MYH6: variants seen among roughly 807,000 people sequenced by gnomAD.
The protein encoded by MYH6 is myosin-6.
In MYH6, 126 loss-of-function variants were observed where a neutral mutation model predicts 223.2. The observed-to-expected ratio is 0.56, with a 90% CI of 0.49 to 0.65. MYH6 has a LOEUF of 0.65. Ranked by LOEUF, MYH6 falls within the 30% of genes least tolerant of loss-of-function variation. MYH6 has a pLI of 0.00. For missense variants in MYH6, 2,040 were observed against 2,536.4 expected (o/e 0.80, Z 4.20); for synonymous variants, 978 against 1,010.2 (o/e 0.97, Z 0.61).
At chr14:23,396,871 C>A in intron 18 of MYH6, 54 bp from the exon 19 acceptor site, 3 of 1,613,064 alleles carry the variant, frequency 1.9e-6, no homozygotes. Flanking sequence ...CTGCTCTGCC[C>A]ACAGAATTCC....
chr14:23,402,916 G>T, intron 10 of MYH6, 116 bp from the exon 11 acceptor site: 1 of 765,718 alleles, frequency 1.3e-6, no homozygotes, highest in Non-Finnish European at 2.2e-6. Flanking sequence ...GGGGTGAATG[G>T]AGGAAGGGAG....
chr14:23,393,203 T>G, intron 23 of MYH6, 139 bp downstream of exon 23: 1 of 1,446,670 alleles, frequency 6.9e-7, no homozygotes, highest in Non-Finnish European at 9.6e-7. Context: ...TTCAGAGACC[T>G]ACTGTAGTGA....
At position 23,388,894 on chromosome 14, in the gene MYH6, G is replaced by C. The variant is rs199672166; in HGVS notation, c.4140C>G (p.Asp1380Glu). The change falls in exon 29 of 39, where the codon GAC (aspartate) becomes GAG (glutamate). Residue 1380 changes from aspartate to glutamate, a missense_variant. Physicochemically the swap from Asp to Glu is conservative, Grantham distance 45. Coordinates refer to ENST00000405093, the MANE Select transcript of MYH6 (RefSeq NM_002471.4). ...CGAGCTCCTCAGTCCGCTGAATGGC[G>C]TCCGTCTCATACTTGGTCCTCCACT... ...VAQWRTKYET[D>E]AIQRTEELEE... 1 of 1,613,766 alleles carries C rather than the reference G, an allele frequency of 6.2e-7. No homozygotes were observed. The highest frequency in any genetic ancestry group is 8.5e-7 in the Non-Finnish European group (1 of 1,180,034).
intron 8 of MYH6, 142 bp downstream of exon 8, chr14:23,404,154 G>T: frequency 1.9e-6 from 2 of 1,071,394 alleles, no homozygotes; most frequent in Non-Finnish European, 2.9e-6. Context: ...TGGCTCCAAA[G>T]CCTATGCTCT....
chr14:23,384,823 A>G (rs1482755173), intron 35 of MYH6, 93 bp downstream of exon 35: 9 of 1,613,132 alleles, frequency 5.6e-6, no homozygotes, highest in Non-Finnish European at 7.6e-6. Flanking sequence ...ACAGAACTGC[A>G]GAGTTGGCTT....
At chr14:23,402,301 T>A (rs1484331925) in intron 12 of MYH6, among the ~76,000 whole-genome samples, 163 bp downstream of exon 12, 1 of 152,052 alleles carries the variant, frequency 6.6e-6, no homozygotes, top group Admixed American at 6.6e-5. Context: ...GTTGGGATTG[T>A]GGTGGACTCT....
rs141375292 is a variant in MYH6 at position 23,386,424 on chromosome 14, T to G, written c.4850A>C (p.Lys1617Thr). Residue 1617 changes from lysine to threonine, a missense_variant, in exon 33 of 39, where the codon AAG becomes ACG. Physicochemically the swap from Lys to Thr is moderately conservative, Grantham distance 78 (BLOSUM62 -1). Around this residue, in one of 4 missense-constraint regions of MYH6, gnomAD observed 1,203 missense variants for 1,400.2 expected, o/e 0.86. Coordinates refer to ENST00000405093, the MANE Select transcript of MYH6 (RefSeq NM_002471.4). ...ATTGAGGTCTCCTTCCATCTTCTTC[T>G]TCACCCTCAGGACCTCGTTGCGGCT... Reference protein sequence around the residue: ...TRSRNEVLRVKKKMEGDLNEM... With the variant: ...TRSRNEVLRVTKKMEGDLNEM... The G allele has an allele frequency of 5.0e-6, 8 of 1,614,084 alleles. No individual in the cohort carries two copies. Among genetic ancestry groups the G allele is most frequent in the Admixed American group, 1.7e-5 (1 of 60,006 alleles).
In MYH6 at chr14:23,383,339, G is replaced by GGGGGGGGGGGGGGCCCCCCCC; in HGVS notation, c.5566-20_5566-19insGGGGGGGGCCCCCCCCCCCCC. On this transcript the variant is annotated intron_variant, in intron 36 of 38. Transcript: ENST00000405093. ...CCTCTGTCTGGGGGTGGGAGGGTGG[G>GGGGGGGGGGGGGGCCCCCCCC]AGAAGCTGGTTTGGAGGGGGAGCAA... 4.6e-5 allele frequency: 5 copies of GGGGGGGGGGGGGGCCCCCCCC among 108,178 alleles called. No homozygotes were observed. Among genetic ancestry groups the GGGGGGGGGGGGGGCCCCCCCC allele is most frequent in the East Asian group, 2.3e-4 (1 of 4,406 alleles). 6.7% of individuals were successfully genotyped at this position (108,178 alleles called of 1,614,324 possible). A position where few individuals can be genotyped will look rare whatever the true frequency, so the allele number is the denominator to read the frequency against.
chr14:23,389,994 G>A (rs1891180917), intron 26 of MYH6, 63 bp downstream of exon 26: 1 of 1,612,932 alleles, frequency 6.2e-7, no homozygotes, highest in Non-Finnish European at 8.5e-7. Context: ...GACAGAGAGA[G>A]AAGGCATGGG....
At position 23,399,008 on chromosome 14, in the gene MYH6, C is replaced by T. The variant is rs758014962; in HGVS notation, c.1611G>A (p.Glu537=). 1.9e-6 allele frequency: 3 copies of T among 1,614,128 alleles called. No homozygotes were observed. In the Admixed American group the frequency reaches 5.0e-5, roughly 27 times the overall value. Residue 537 remains glutamate (E), a synonymous_variant, in exon 15 of 39, where the codon GAG becomes GAA. Coordinates refer to ENST00000405093, the MANE Select transcript of MYH6 (RefSeq NM_002471.4). Reference sequence around the variant, plus strand: ...CAGTGGCCTTGGGGAACATGCACTCCTCCTCCAGGATGGACATGATGCCCA... The same window carrying T: ...CAGTGGCCTTGGGGAACATGCACTCTTCCTCCAGGATGGACATGATGCCCA... ...KPMGIMSILE[E]ECMFPKATDM... is the part of the protein sequence containing the mutation.
rs778757636 is a variant in MYH6 at position 23,407,151 on chromosome 14, C to T, written c.73G>A (p.Glu25Lys). The change falls in exon 3 of 39, where the codon GAG becomes AAG. Residue 25 changes from glutamate (E) to lysine (K), a missense_variant. Glu to Lys is a moderately conservative substitution (Grantham distance 56). This residue lies in a region of MYH6 where 184 missense variants were observed against 232.4 expected (regional missense o/e 0.79). Transcript: ENST00000405093. This position sits in a 1 kb window ranked among gnomAD's most constrained non-coding sequence, Gnocchi z 5.6. ...ATGTCAAAGGGCCGGGTCTGGGCCT[C>T]TAGACGCTCCTTCTCTGACTTGCGG... ...YLRKSEKERL[E>K]AQTRPFDIRT... 1.2e-6 allele frequency: 2 copies of T among 1,614,296 alleles called. No individual in the cohort carries two copies. The highest frequency in any genetic ancestry group is 1.1e-5 in the South Asian group (1 of 91,092).
At chr14:23,404,467 G>A in intron 7 of MYH6, 79 bp from the exon 8 acceptor site, 1 of 1,522,966 alleles carries the variant, frequency 6.6e-7, no homozygotes, top group South Asian at 1.1e-5. Context: ...AGGCTGCCCT[G>A]GCCCTGAGGA....
intron 34 of MYH6, 105 bp downstream of exon 34, chr14:23,385,813 GAGGAAATGAT>G: frequency 6.9e-7 from 1 of 1,449,660 alleles, no homozygotes; most frequent in South Asian, 1.2e-5. Flanking sequence ...TGGCCTAAGA[GAGGAAATGAT>G]TTGTGACCCT....
chr14:23,386,551 C>G lies in MYH6; in HGVS notation c.4723G>C (p.Glu1575Gln), dbSNP rs371067114. 2.5e-6 allele frequency: 4 copies of G among 1,613,958 alleles called. No homozygotes were observed. Among genetic ancestry groups the G allele is most frequent in the Non-Finnish European group, 2.5e-6 (3 of 1,179,946 alleles). Residue 1575 changes from glutamate (E) to glutamine (Q), a missense_variant, in exon 33 of 39, where the codon GAG (glutamate) becomes CAG (glutamine). By Grantham distance (29) the Glu-to-Gln change is conservative. This residue lies in a region of MYH6 where 1,203 missense variants were observed against 1,400.2 expected (regional missense o/e 0.86). Transcript: ENST00000405093. The stretch of plus-strand genomic sequence containing the variant: ...TCGTCCTTCTCTGCCAGCTTCCGCT[C>G]GATCTCTGCCTTGATCTGGTTGAAC... ...LEFNQIKAEIERKLAEKDEEM... is the reference protein window; with the variant it reads ...LEFNQIKAEIQRKLAEKDEEM...
chr14:23,390,501 C>A lies in MYH6; in HGVS notation c.3343-55G>T. On this transcript the variant is annotated intron_variant, in intron 25 of 38. Transcript: ENST00000405093. ...CCGCCTGGACCCCTCCACTGGAATC[C>A]CCCCGGCTCTGAAAAGCTACCAGGA... 5 of 1,592,826 alleles carry A rather than the reference C, an allele frequency of 3.1e-6. No individual in the cohort carries two copies. The South Asian group carries it at 5.6e-5, about 18-fold the overall frequency.
chr14:23,383,407 C>T lies in MYH6; in HGVS notation c.5566-87G>A, dbSNP rs183650502. On this transcript the variant is annotated intron_variant, in intron 36 of 38. Transcript: ENST00000405093. Reference sequence around the variant, plus strand: ...TCCTCCATCATTTTACTCTTCTCCCCTTGCCTTTGCTGCCCCTCCCTGCAA... The same window carrying T: ...TCCTCCATCATTTTACTCTTCTCCCTTTGCCTTTGCTGCCCCTCCCTGCAA... The T allele has an allele frequency of 7.7e-6, 8 of 1,040,684 alleles. No individual in the cohort carries two copies. The African/African-American group carries it at 1.3e-4, about 16-fold the overall frequency. The allele number at this position is 1,040,684 out of a possible 1,614,324, so 64.5% of individuals were successfully genotyped here.
Position 23,392,974 on chromosome 14 carries a change from C to G in MYH6, c.3189G>C (p.Leu1063=), listed in dbSNP as rs745729273. The G allele has an allele frequency of 1.7e-5, 28 of 1,614,124 alleles. No homozygotes were observed. Among genetic ancestry groups the G allele is most frequent in the Non-Finnish European group, 2.2e-5 (26 of 1,180,056 alleles). Residue 1063 remains leucine (L), a synonymous_variant, in exon 24 of 39, where the codon CTG becomes CTC. Transcript: ENST00000405093. ...CCAGGTCCATGATGCTCTCCTGGGTCAGCTTCAGGTCGCCCTCCAGTTTCC... is the reference window on the plus strand; with the variant it reads ...CCAGGTCCATGATGCTCTCCTGGGTGAGCTTCAGGTCGCCCTCCAGTTTCC... The part of the protein sequence containing the change: ...AKRKLEGDLK[L]TQESIMDLEN...
chr14:23,388,583 A>T, intron 29 of MYH6: 1 of 852,256 alleles, frequency 1.2e-6, no homozygotes, highest in Admixed American at 1.7e-5. Context: ...AGGCTGATCG[A>T]CGGTAGCTCC....
At chr14:23,384,091 C>T (rs1385540072) in intron 36 of MYH6, among the ~76,000 whole-genome samples, 1 of 151,924 alleles carries the variant, frequency 6.6e-6, no homozygotes, top group African/African-American at 2.4e-5. Context: ...TGGAAGATTT[C>T]CGGGTCTTTT....
Sources: allele counts gnomAD v4.1 joint callset (sites outside exome capture counted in the v4.1 genomes callset), GRCh38; gene constraint gnomAD v4.1.1; regional missense constraint gnomAD v4.1.1; non-coding constraint Gnocchi (gnomAD v3.1); transcripts MANE v1.5; gene names NCBI Gene and HGNC (gene_info 2026-07-23, HGNC 2026-07-21).